Variants in CYB5B observed in about 807,000 individuals in gnomAD.
CYB5B encodes the protein cytochrome b5 type B (outer mitochondrial membrane).
In CYB5B, 14 loss-of-function variants were observed where a neutral mutation model predicts 21.3. The ratio of observed to expected loss-of-function variants is 0.66; its 90% CI spans 0.43 to 1.03. The LOEUF is 1.03. Ranked by LOEUF, CYB5B falls within the 50% of genes least tolerant of loss-of-function variation. The pLI, the probability that CYB5B is intolerant of heterozygous loss-of-function variation, is 0.00. For missense variants in CYB5B, 166 were observed against 185.1 expected (o/e 0.90, Z 0.60); for synonymous variants, 69 against 68.4 (o/e 1.01, Z -0.04).
chr16:69,457,538 C>T (rs912821533), intron 3 of CYB5B, among the ~76,000 whole-genome samples: 1 of 152,104 alleles, frequency 6.6e-6, no homozygotes, highest in Non-Finnish European at 1.5e-5. Flanking sequence ...TTTTAAAAGG[C>T]AGCATTATAA....
intron 4 of CYB5B, among the ~76,000 whole-genome samples, chr16:69,460,245 A>G (rs1049157066): frequency 7.9e-5 from 12 of 152,134 alleles, no homozygotes; most frequent in African/African-American, 2.9e-4. Flanking sequence ...AAAAAAAAAA[A>G]CCAAACCTTA....
chr16:69,455,816 T>A (rs111506700), intron 3 of CYB5B, among the ~76,000 whole-genome samples: 10 of 152,306 alleles, frequency 6.6e-5, no homozygotes, highest in Admixed American at 2.0e-4. Flanking sequence ...GAGAAAAATC[T>A]ACTTACGGTA....
At chr16:69,453,416 A>G (rs984654536) in intron 3 of CYB5B, among the ~76,000 whole-genome samples, 2 of 152,212 alleles carry the variant, frequency 1.3e-5, no homozygotes, top group Non-Finnish European at 2.9e-5. Flanking sequence ...TTTAAGAATT[A>G]TTTAATATCC....
chr16:69,425,208 G>T (rs1415637005), intron 1 of CYB5B, among the ~76,000 whole-genome samples: 1 of 152,230 alleles, frequency 6.6e-6, no homozygotes, highest in Non-Finnish European at 1.5e-5. Flanking sequence ...TAGCAGCTTA[G>T]ATCCGTTGAA....
chr16:69,433,264 C>T (rs905832098), intron 1 of CYB5B, among the ~76,000 whole-genome samples: 1 of 152,110 alleles, frequency 6.6e-6, no homozygotes, highest in Non-Finnish European at 1.5e-5. Flanking sequence ...TTTCCTGGAA[C>T]CTAGGTAATT....
At chr16:69,461,543 A>G (rs1389402480) in intron 4 of CYB5B, among the ~76,000 whole-genome samples, 1 of 152,178 alleles carries the variant, frequency 6.6e-6, no homozygotes, top group African/African-American at 2.4e-5. Flanking sequence ...TTTTAATACC[A>G]AGACTCATAT....
Position 69,463,489 on chromosome 16 carries a change from G to GT in CYB5B, c.*975dup, listed in dbSNP as rs1309043491. ...GTTTGGCACCAGTTTCTAACCATCT[G>GT]TTTTTTCTACCCTAGCTATCTTTTA... On this transcript the variant is annotated 3_prime_UTR_variant, in exon 5 of 5. Coordinates refer to ENST00000307892, the MANE Select transcript of CYB5B (RefSeq NM_030579.3). 3 of 152,112 alleles carry GT rather than the reference G, an allele frequency of 2.0e-5. No individual in the cohort carries two copies. Among genetic ancestry groups the GT allele is most frequent in the South Asian group, 2.1e-4 (1 of 4,818 alleles). The allele number at this position is 152,112 out of a possible 1,614,324, so 9.4% of individuals were successfully genotyped here.
rs142327886 is a variant in CYB5B, at chr16:69,453,438, A to G, written c.333+5294A>G. Among the ~76,000 whole-genome samples, 185 of 152,294 alleles carry G rather than the reference A, an allele frequency of 1.2e-3. 1 individual carries two copies. Among genetic ancestry groups the G allele is most frequent in the African/African-American group, 4.3e-3 (177 of 41,560 alleles). The stretch of plus-strand genomic sequence containing the variant: ...ATTATTTAATATCCCTACCATACCT[A>G]CTACCTAATTTATTAAAGTTTGGAA... On this transcript the variant is annotated intron_variant, in intron 3 of 4. Coordinates refer to ENST00000307892, the MANE Select transcript of CYB5B (RefSeq NM_030579.3).
rs2015062692 is a variant in CYB5B at position 69,464,084 on chromosome 16, C to G, written c.*1564C>G. The G allele has an allele frequency of 1.3e-5, 2 of 152,170 alleles. No homozygotes were observed. The highest frequency in any genetic ancestry group is 1.5e-5 in the Non-Finnish European group (1 of 68,052). 9.4% of individuals were successfully genotyped at this position (152,170 alleles called of 1,614,324 possible). A position where few individuals can be genotyped will look rare whatever the true frequency, so the allele number is the denominator to read the frequency against. On this transcript the variant is annotated 3_prime_UTR_variant, in exon 5 of 5. Coordinates refer to ENST00000307892, the MANE Select transcript of CYB5B (RefSeq NM_030579.3). The stretch of plus-strand genomic sequence containing the variant: ...GAGGCTGCTCAGCATCTCCTCCCTC[C>G]CTCCCAGCTTGCCAGGGATTTGATG...
chr16:69,438,064 C>G (rs897884550), intron 1 of CYB5B, among the ~76,000 whole-genome samples: 3 of 152,146 alleles, frequency 2.0e-5, no homozygotes, highest in Admixed American at 1.3e-4. Flanking sequence ...AAATAACTCC[C>G]TATTTCCCCC....
chr16:69,425,008 A>G (rs2014628359), intron 1 of CYB5B, 151 bp downstream of exon 1: 1 of 723,084 alleles, frequency 1.4e-6, no homozygotes, highest in Admixed American at 4.1e-5. Flanking sequence ...CTGGGGTGGG[A>G]TTGGGGGAGG....
At chr16:69,426,699 C>CGA (rs1555509205) in intron 1 of CYB5B, among the ~76,000 whole-genome samples, 1 of 95,614 alleles carries the variant, frequency 1.0e-5, no homozygotes, top group Non-Finnish European at 1.9e-5. Context: ...AGCGAGACTC[C>CGA]AAAAAAAAAA....
intron 1 of CYB5B, among the ~76,000 whole-genome samples, chr16:69,445,490 T>A (rs1001794877): frequency 9.2e-5 from 14 of 152,222 alleles, no homozygotes; most frequent in African/African-American, 3.4e-4. Flanking sequence ...CTGAAATGGT[T>A]GTTATAAAAA....
Position 69,453,848 on chromosome 16 carries a change from C to T in CYB5B, c.334-5245C>T, listed in dbSNP as rs532188226. On this transcript the variant is annotated intron_variant, in intron 3 of 4. Transcript: ENST00000307892. Reference sequence around the variant, plus strand: ...TGCTGGGATTACAGGCATGAGCCACCAGCTACTGCACCTGGCTTATTTCCC... The same window carrying T: ...TGCTGGGATTACAGGCATGAGCCACTAGCTACTGCACCTGGCTTATTTCCC... 3.9e-5 allele frequency among the ~76,000 whole-genome samples: 6 copies of T among 152,286 alleles called. No individual in the cohort carries two copies. In the South Asian group the frequency reaches 1.0e-3, roughly 26 times the overall value.
At chr16:69,436,160 A>T (rs895210035) in intron 1 of CYB5B, among the ~76,000 whole-genome samples, 1 of 152,150 alleles carries the variant, frequency 6.6e-6, no homozygotes, top group African/African-American at 2.4e-5. Flanking sequence ...GTGTGTGCTC[A>T]CTCCCAGCTC....
rs1266705692 is a variant in CYB5B at position 69,462,887 on chromosome 16, C to A, written c.*367C>A. 1.2e-5 allele frequency: 2 copies of A among 168,250 alleles called. No individual in the cohort carries two copies. The highest frequency in any genetic ancestry group is 2.6e-5 in the Non-Finnish European group (2 of 77,420). 10.4% of individuals were successfully genotyped at this position (168,250 alleles called of 1,614,324 possible). ...TGCATATTAGACATTCTTAACAGGGCGGCAGTCTAGTGTTGAAAGTTTTAT... is the reference window on the plus strand; with the variant it reads ...TGCATATTAGACATTCTTAACAGGGAGGCAGTCTAGTGTTGAAAGTTTTAT... On this transcript the variant is annotated 3_prime_UTR_variant, in exon 5 of 5. Transcript: ENST00000307892.
chr16:69,452,030 T>G (rs1227160183), intron 3 of CYB5B, among the ~76,000 whole-genome samples: 9 of 152,176 alleles, frequency 5.9e-5, no homozygotes, highest in Middle Eastern at 3.4e-3. Flanking sequence ...CCATCATTTT[T>G]TTGTTGTTGT....
intron 1 of CYB5B, 90 bp from the exon 2 acceptor site, chr16:69,447,060 A>G (rs1226735118): frequency 1.2e-5 from 17 of 1,438,310 alleles, no homozygotes; most frequent in Non-Finnish European, 1.5e-5. Context: ...TTTCTATTAA[A>G]GGGAGAAAGG....
chr16:69,448,069 A>C (rs1254812735), intron 2 of CYB5B, 46 bp from the exon 3 acceptor site: 1 of 1,592,434 alleles, frequency 6.3e-7, no homozygotes. Context: ...GTGAGAATTC[A>C]TTTGGCTATG....
Sources: gnomAD v4.1 joint callset for allele counts (sites outside exome capture counted in the v4.1 genomes callset) on GRCh38, gnomAD v4.1.1 for gene constraint, MANE v1.5 for transcripts, NCBI Gene and HGNC (gene_info 2026-07-23, HGNC 2026-07-21) for gene names.